The following MYO1B variants were observed in gnomAD, a reference collection of about 807,000 sequenced individuals.
The protein encoded by MYO1B is unconventional myosin-Ib.
Under a neutral mutation model 159.7 loss-of-function variants are expected in MYO1B, and 72 were observed. The ratio of observed to expected loss-of-function variants is 0.45; its 90% CI spans 0.37 to 0.55. MYO1B has a LOEUF of 0.55. Ranked by LOEUF, MYO1B falls within the 20% of genes least tolerant of loss-of-function variation. MYO1B has a pLI of 0.00. For synonymous variants in MYO1B, 468 were observed against 473.8 expected (o/e 0.99, Z 0.16); for missense variants, 1,062 against 1,364.8 (o/e 0.78, Z 3.50).
chr2:191,347,748 T>A (rs1235438043), intron 6 of MYO1B, among the ~76,000 whole-genome samples: 1 of 152,230 alleles, frequency 6.6e-6, no homozygotes, highest in Non-Finnish European at 1.5e-5. Flanking sequence ...GGTCTGTGAC[T>A]TGACTAGTAA....
chr2:191,424,213 T>C lies in MYO1B; in HGVS notation c.*253T>C, dbSNP rs534711794. 36 of 463,060 alleles carry C rather than the reference T, an allele frequency of 7.8e-5. No homozygotes were observed. Among genetic ancestry groups the C allele is most frequent in the African/African-American group, 6.0e-4 (31 of 51,586 alleles). The allele number at this position is 463,060 out of a possible 1,614,324, so 28.7% of individuals were successfully genotyped here. A position where few individuals can be genotyped will look rare whatever the true frequency, so the allele number is the denominator to read the frequency against. ...CATGTCTGATGTGTTCTTCCTTTAG[T>C]CATCATGTTAGGTCTGTGTACCCTA... On this transcript the variant is annotated 3_prime_UTR_variant, in exon 31 of 31. Coordinates refer to ENST00000392318, the MANE Select transcript of MYO1B (RefSeq NM_001130158.3).
Position 191,385,306 on chromosome 2 carries a change from A to G in MYO1B, c.1354-578A>G, listed in dbSNP as rs538083368. On this transcript the variant is annotated intron_variant, in intron 15 of 30. Transcript: ENST00000392318. Reference sequence around the variant, plus strand: ...TCTAAAATCTAAATCTATATGAAACAGATATTCTTGAAATCAGTTTGATTG... The same window carrying G: ...TCTAAAATCTAAATCTATATGAAACGGATATTCTTGAAATCAGTTTGATTG... 1.4e-4 allele frequency among the ~76,000 whole-genome samples: 22 copies of G among 152,370 alleles called. No individual in the cohort carries two copies. In the East Asian group the frequency reaches 4.0e-3, roughly 28 times the overall value.
intron 4 of MYO1B, among the ~76,000 whole-genome samples, chr2:191,337,823 C>T (rs1691956559): frequency 6.6e-6 from 1 of 152,096 alleles, no homozygotes; most frequent in Non-Finnish European, 1.5e-5. Flanking sequence ...GTGGATGATA[C>T]TCCATTTTTG....
At chr2:191,340,455 C>G (rs1215204035) in intron 4 of MYO1B, among the ~76,000 whole-genome samples, 1 of 152,118 alleles carries the variant, frequency 6.6e-6, no homozygotes, top group African/African-American at 2.4e-5. Context: ...AGAGGGGACA[C>G]GGACTGATAG....
At chr2:191,366,680 C>A (rs1694029410) in intron 11 of MYO1B, among the ~76,000 whole-genome samples, 1 of 152,118 alleles carries the variant, frequency 6.6e-6, no homozygotes, top group Admixed American at 6.6e-5. Context: ...TGATCCCACA[C>A]AGCTTACCTC....
intron 17 of MYO1B, chr2:191,387,748 C>A: frequency 5.2e-6 from 2 of 384,410 alleles, no homozygotes; most frequent in Non-Finnish European, 9.5e-6. Flanking sequence ...TTTTTAATGG[C>A]AAGTTAAAAA....
intron 5 of MYO1B, 82 bp from the exon 6 acceptor site, chr2:191,346,154 T>C (rs1692550704): frequency 1.9e-6 from 2 of 1,070,398 alleles, no homozygotes; most frequent in African/African-American, 1.6e-5. Flanking sequence ...AAATCATAGA[T>C]TTCAAATACT....
intron 20 of MYO1B, among the ~76,000 whole-genome samples, chr2:191,394,600 G>A (rs1695952556): frequency 6.6e-6 from 1 of 152,194 alleles, no homozygotes; most frequent in East Asian, 1.9e-4. Flanking sequence ...ATAGACTGTT[G>A]TAAGTGCTAG....
At chr2:191,331,909 A>G (rs954134540) in intron 4 of MYO1B, among the ~76,000 whole-genome samples, 2 of 152,226 alleles carry the variant, frequency 1.3e-5, no homozygotes, top group African/African-American at 2.4e-5. Context: ...ATGAAATTGC[A>G]TACCAAAAAA....
At chr2:191,345,023 C>T (rs879763026) in intron 5 of MYO1B, among the ~76,000 whole-genome samples, 8 of 152,092 alleles carry the variant, frequency 5.3e-5, no homozygotes, top group Non-Finnish European at 1.0e-4. Flanking sequence ...TTTGAACACT[C>T]AGTAGTCTAA....
In MYO1B at chr2:191,305,341, G is replaced by A. The variant is rs539998913; in HGVS notation, c.251+9115G>A. On this transcript the variant is annotated intron_variant, in intron 3 of 30. Transcript: ENST00000392318. ...CAGCCCAGGGAAGTTAGCAAAGCCA[G>A]GGATAATGAAAGTGTTCAGCAGAGC... 3.9e-5 allele frequency among the ~76,000 whole-genome samples: 6 copies of A among 152,336 alleles called. No homozygotes were observed. In the South Asian group the frequency reaches 1.0e-3, roughly 26 times the overall value.
intron 24 of MYO1B, among the ~76,000 whole-genome samples, chr2:191,404,815 G>A (rs956145276): frequency 1.3e-5 from 2 of 152,200 alleles, no homozygotes; most frequent in Non-Finnish European, 2.9e-5. Flanking sequence ...CATCATCTGA[G>A]CCTTCAGCAA....
At chr2:191,309,943 C>T (rs966013055) in intron 3 of MYO1B, among the ~76,000 whole-genome samples, 4 of 152,144 alleles carry the variant, frequency 2.6e-5, no homozygotes, top group African/African-American at 7.2e-5. Context: ...CAATGCCTGG[C>T]GCAGAGCAGC....
At chr2:191,322,417 A>G (rs1424208983) in intron 3 of MYO1B, among the ~76,000 whole-genome samples, 2 of 151,988 alleles carry the variant, frequency 1.3e-5, no homozygotes, top group Admixed American at 1.3e-4. Flanking sequence ...TCTGCAATCC[A>G]CCTTTGAAAA....
rs555892949 is a variant in MYO1B at position 191,360,647 on chromosome 2, T to G, written c.579T>G (p.Ser193=). Reference sequence around the variant, plus strand: ...TCTCTTTAGATCTTTTAGAGAAATCTCGGGTTGTTAAACAGCCAAGAGGTG... The same window carrying G: ...TCTCTTTAGATCTTTTAGAGAAATCGCGGGTTGTTAAACAGCCAAGAGGTG... The part of the protein sequence containing the change: ...GVISNYLLEK[S]RVVKQPRGER... Residue 193 remains serine, a synonymous_variant, in exon 8 of 31, where the codon TCT becomes TCG. Coordinates refer to ENST00000392318, the MANE Select transcript of MYO1B (RefSeq NM_001130158.3). 1 of 1,611,658 alleles carries G rather than the reference T, an allele frequency of 6.2e-7. No individual in the cohort carries two copies. Among genetic ancestry groups the G allele is most frequent in the South Asian group, 1.1e-5 (1 of 90,854 alleles).
intron 1 of MYO1B, among the ~76,000 whole-genome samples, chr2:191,275,881 A>G (rs1294208858): frequency 7.2e-5 from 11 of 152,140 alleles, no homozygotes; most frequent in Non-Finnish European, 1.2e-4. Context: ...TATCCCACAC[A>G]CTCCTATGCT....
intron 2 of MYO1B, among the ~76,000 whole-genome samples, 186 bp from the exon 3 acceptor site, chr2:191,295,925 A>T (rs1191664214): frequency 1.3e-5 from 2 of 152,218 alleles, no homozygotes; most frequent in African/African-American, 4.8e-5. Context: ...TTATCAACAA[A>T]CTAAATAGAC....
At position 191,400,261 on chromosome 2, in the gene MYO1B, C is replaced by T. The variant is rs1696525813; in HGVS notation, c.2296-121C>T. The T allele has an allele frequency of 2.4e-5, 26 of 1,069,280 alleles. No individual in the cohort carries two copies. In the Middle Eastern group the frequency reaches 2.7e-3, roughly 113 times the overall value. 66.2% of individuals were successfully genotyped at this position (1,069,280 alleles called of 1,614,324 possible). Reference sequence around the variant, plus strand: ...GCTAGTCACCTTCGCCTTCTTTAACCTGTTGATTTATCACAATAGCATGGG... The same window carrying T: ...GCTAGTCACCTTCGCCTTCTTTAACTTGTTGATTTATCACAATAGCATGGG... On this transcript the variant is annotated intron_variant, in intron 21 of 30. Coordinates refer to ENST00000392318, the MANE Select transcript of MYO1B (RefSeq NM_001130158.3).
intron 7 of MYO1B, 30 bp from the exon 8 acceptor site, chr2:191,360,601 G>A: frequency 7.2e-7 from 1 of 1,392,250 alleles, no homozygotes; most frequent in Non-Finnish European, 1.0e-6. Flanking sequence ...TGAAACAAAT[G>A]CCATACTATG....
Sources: allele counts gnomAD v4.1 joint callset (sites outside exome capture counted in the v4.1 genomes callset), GRCh38; gene constraint gnomAD v4.1.1; transcripts MANE v1.5; gene names NCBI Gene and HGNC (gene_info 2026-07-23, HGNC 2026-07-21).